TRAF3: variants seen among roughly 807,000 people sequenced by gnomAD.
TRAF3 encodes the protein TNF receptor-associated factor 3.
TRAF3 carries 13 observed loss-of-function variants against 62.3 expected under a neutral mutation model. The observed-to-expected ratio is 0.21, with a 90% CI of 0.14 to 0.33. The LOEUF (loss-of-function observed/expected upper bound fraction) is 0.33, where lower values mean the gene tolerates loss of function less well. Among genes scored for constraint, TRAF3 ranks in the 10% least tolerant of loss-of-function variants. The probability of loss-of-function intolerance (pLI) is 1.00; values close to 1 mark genes in which losing one functional copy is unlikely to be tolerated. For synonymous variants in TRAF3, 269 were observed against 283.4 expected, an observed-to-expected ratio of 0.95 and a Z score of 0.51; for missense variants, 440 against 741.8, an observed-to-expected ratio of 0.59 and a Z score of 4.73.
chr14:102,787,713 G>A (rs1242161593), intron 1 of TRAF3, among the ~76,000 whole-genome samples: 1 of 151,412 alleles, frequency 6.6e-6, no homozygotes, highest in African/African-American at 2.4e-5. Context: ...ACAACACTTC[G>A]ATTTATTCAG....
chr14:102,786,312 C>G (rs1566735610), intron 1 of TRAF3, among the ~76,000 whole-genome samples: 1 of 152,090 alleles, frequency 6.6e-6, no homozygotes, highest in East Asian at 1.9e-4. Flanking sequence ...TATTTAATAC[C>G]ACTGGACTAT....
chr14:102,798,749 A>G (rs762057708), intron 1 of TRAF3, among the ~76,000 whole-genome samples: 1 of 152,176 alleles, frequency 6.6e-6, no homozygotes, highest in Non-Finnish European at 1.5e-5. Flanking sequence ...GGCCGGGATT[A>G]TAGGCATGAC....
intron 2 of TRAF3, among the ~76,000 whole-genome samples, chr14:102,838,387 T>G (rs1383520741): frequency 5.9e-5 from 9 of 151,862 alleles, no homozygotes; most frequent in Admixed American, 5.2e-4. Flanking sequence ...AGGACCAGGA[T>G]TTCAGGAGGT....
chr14:102,807,217 G>C (rs1898826522), intron 1 of TRAF3, among the ~76,000 whole-genome samples: 1 of 152,140 alleles, frequency 6.6e-6, no homozygotes, highest in South Asian at 2.1e-4. Flanking sequence ...AGTGCACCCT[G>C]CATTCCTCCT....
chr14:102,888,892 G>A (rs1252086935), intron 7 of TRAF3, among the ~76,000 whole-genome samples: 1 of 152,106 alleles, frequency 6.6e-6, no homozygotes. Flanking sequence ...CTGAGCAAGG[G>A]ACTTTTTTCT....
At chr14:102,881,546 CAT>C (rs1431169605) in intron 6 of TRAF3, among the ~76,000 whole-genome samples, 1 of 152,100 alleles carries the variant, frequency 6.6e-6, no homozygotes, top group Non-Finnish European at 1.5e-5. Context: ...AATGAGAACA[CAT>C]AGACACATTT....
At chr14:102,887,952 A>G (rs1367541202) in intron 7 of TRAF3, among the ~76,000 whole-genome samples, 1 of 152,194 alleles carries the variant, frequency 6.6e-6, no homozygotes, top group African/African-American at 2.4e-5. Context: ...TTCTGATGAA[A>G]GGTGCTTTTG....
rs561491050 is a variant in TRAF3 at position 102,826,696 on chromosome 14, C to T, written c.-156-3638C>T. ...AGATTCTTTAATTTGTTTATTCATT[C>T]GTGCAGTCCTTCACCTCACACCTGT... On this transcript the variant is annotated intron_variant, in intron 1 of 11. Transcript: ENST00000392745. This position sits in a 1 kb window ranked among gnomAD's most constrained non-coding sequence, Gnocchi z 4.6. 2.0e-5 allele frequency among the ~76,000 whole-genome samples: 3 copies of T among 152,260 alleles called. No homozygotes were observed. The highest frequency in any genetic ancestry group is 2.1e-4 in the South Asian group (1 of 4,824).
intron 1 of TRAF3, among the ~76,000 whole-genome samples, chr14:102,829,577 A>G (rs1168338634): frequency 1.3e-5 from 2 of 152,206 alleles, no homozygotes; most frequent in Non-Finnish European, 2.9e-5. Flanking sequence ...GATGTCTCCA[A>G]AAGCACAGTT....
chr14:102,893,050 A>G (rs1432883710), intron 9 of TRAF3, among the ~76,000 whole-genome samples: 1 of 152,010 alleles, frequency 6.6e-6, no homozygotes, highest in Non-Finnish European at 1.5e-5. Context: ...TATCTTTCAT[A>G]GATGCTGTGT....
intron 1 of TRAF3, among the ~76,000 whole-genome samples, chr14:102,829,313 G>T (rs866066848): frequency 1.3e-5 from 2 of 152,244 alleles, no homozygotes; most frequent in South Asian, 4.1e-4. Context: ...CGTGATTAGT[G>T]TAAATAAATT....
At chr14:102,886,113 C>A in intron 6 of TRAF3, 76 bp from the exon 7 acceptor site, 1 of 1,482,980 alleles carries the variant, frequency 6.7e-7, no homozygotes, top group Non-Finnish European at 9.3e-7. Context: ...TTCCTGGGGG[C>A]CCCATGGGGA....
At chr14:102,842,833 GAAAA>G (rs1375865660) in intron 2 of TRAF3, among the ~76,000 whole-genome samples, 4 of 152,002 alleles carry the variant, frequency 2.6e-5, no homozygotes, top group Non-Finnish European at 5.9e-5. Context: ...AGTACTGAAA[GAAAA>G]AAACCTGTTA....
At chr14:102,845,148 G>A (rs1320535285) in intron 2 of TRAF3, among the ~76,000 whole-genome samples, 6 of 151,464 alleles carry the variant, frequency 4.0e-5, no homozygotes, top group East Asian at 1.9e-4. Flanking sequence ...CACCCACCTC[G>A]GCCTCCCAAA....
At chr14:102,778,904 T>G (rs75086312) in intron 1 of TRAF3, among the ~76,000 whole-genome samples, 1 of 152,202 alleles carries the variant, frequency 6.6e-6, no homozygotes, top group African/African-American at 2.4e-5. Flanking sequence ...CTGCATCATA[T>G]GTAGGATGTC....
At chr14:102,896,380 C>T (rs1279048196) in intron 9 of TRAF3, among the ~76,000 whole-genome samples, 5 of 152,118 alleles carry the variant, frequency 3.3e-5, no homozygotes, top group Non-Finnish European at 5.9e-5. Flanking sequence ...TTAGATCCCA[C>T]GTCTAAATGA....
chr14:102,866,749 G>T (rs778966466), intron 2 of TRAF3, among the ~76,000 whole-genome samples: 1 of 152,028 alleles, frequency 6.6e-6, no homozygotes. Context: ...GGAGGCTGAG[G>T]TGGGAGGATT....
At chr14:102,831,746 T>A (rs1049310664) in intron 2 of TRAF3, among the ~76,000 whole-genome samples, 2 of 152,122 alleles carry the variant, frequency 1.3e-5, no homozygotes, top group Non-Finnish European at 2.9e-5. Flanking sequence ...GGGTTTGTTT[T>A]CCCTTTTTTT....
intron 3 of TRAF3, among the ~76,000 whole-genome samples, 153 bp from the exon 4 acceptor site, chr14:102,871,764 A>T (rs570101881): frequency 1.4e-4 from 22 of 152,296 alleles, no homozygotes; most frequent in Non-Finnish European, 2.2e-4. Flanking sequence ...ATGGCTTCCT[A>T]TGTAAAGTGA....
Sources: allele counts gnomAD v4.1 joint callset (sites outside exome capture counted in the v4.1 genomes callset), GRCh38; gene constraint gnomAD v4.1.1; non-coding constraint Gnocchi (gnomAD v3.1); transcripts MANE v1.5; gene names NCBI Gene and HGNC (gene_info 2026-07-23, HGNC 2026-07-21).